PPP2R2C: variants seen among roughly 807,000 people sequenced by gnomAD.
PPP2R2C encodes the protein protein phosphatase 2, regulatory subunit B, gamma.
A neutral mutation model predicts 45.3 loss-of-function variants in PPP2R2C; 10 were observed. The ratio of observed to expected loss-of-function variants is 0.22; its 90% CI spans 0.14 to 0.37. PPP2R2C has a LOEUF of 0.37. Among genes scored for constraint, PPP2R2C ranks in the 10% least tolerant of loss-of-function variants. The pLI is 1.00. For missense variants in PPP2R2C, 308 were observed against 619.7 expected (o/e 0.50, Z 5.34); for synonymous variants, 257 against 245.4 (o/e 1.05, Z -0.44).
At chr4:6,415,544 G>T (rs557716259) in intron 1 of PPP2R2C, among the ~76,000 whole-genome samples, 1 of 152,306 alleles carries the variant, frequency 6.6e-6, no homozygotes, top group African/African-American at 2.4e-5. Context: ...CAGCTGTGAG[G>T]GGGGCACGGT....
chr4:6,534,174 C>G (rs557426639), intron 2 of PPP2R2C, among the ~76,000 whole-genome samples: 1 of 146,914 alleles, frequency 6.8e-6, no homozygotes, highest in Non-Finnish European at 1.5e-5. Context: ...ACACACACAT[C>G]AACACACACA....
intron 1 of PPP2R2C, among the ~76,000 whole-genome samples, chr4:6,423,539 A>G (rs10000024): frequency 0.02 from 3,022 of 152,356 alleles, 89 homozygotes; most frequent in African/African-American, 0.067. Flanking sequence ...AGAAACACAC[A>G]TGCACCCTGC....
intron 1 of PPP2R2C, among the ~76,000 whole-genome samples, chr4:6,451,810 CCTGT>C (rs1720751424): frequency 6.6e-6 from 1 of 152,084 alleles, no homozygotes; most frequent in African/African-American, 2.4e-5. Context: ...CACCCCTATT[CCTGT>C]CTAAGTTTGA....
intron 1 of PPP2R2C, among the ~76,000 whole-genome samples, chr4:6,435,417 G>T (rs943565760): frequency 2.0e-5 from 3 of 152,184 alleles, no homozygotes; most frequent in Admixed American, 6.5e-5. Context: ...TTGTTTAGAG[G>T]TGTGATTGCT....
At chr4:6,538,537 A>C (rs1724705646) in intron 1 of PPP2R2C, among the ~76,000 whole-genome samples, 1 of 140,880 alleles carries the variant, frequency 7.1e-6, no homozygotes, top group Non-Finnish European at 1.6e-5. Context: ...TATTTTCACT[A>C]GGCAAAGGAA....
chr4:6,344,889 G>A (rs756261200), intron 6 of PPP2R2C, among the ~76,000 whole-genome samples: 3 of 152,024 alleles, frequency 2.0e-5, no homozygotes, highest in South Asian at 2.1e-4. Flanking sequence ...CATCACTGTC[G>A]ACATCATTTT....
intron 5 of PPP2R2C, among the ~76,000 whole-genome samples, chr4:6,370,826 G>A (rs1253493959): frequency 2.6e-5 from 4 of 152,200 alleles, no homozygotes; most frequent in African/African-American, 7.2e-5. Context: ...GGTGGGGCCC[G>A]ATGTCCTTTC....
At chr4:6,430,942 A>C (rs1363112093) in intron 1 of PPP2R2C, among the ~76,000 whole-genome samples, 1 of 7,002 alleles carries the variant, frequency 1.4e-4, no homozygotes, top group Admixed American at 2.0e-3. Context: ...CAACAACAAC[A>C]ACAAAAAAAA....
Position 6,481,721 on chromosome 4 carries a change from G to A in PPP2R2C, c.49+53550C>T, listed in dbSNP as rs532354287. On this transcript the variant is annotated intron_variant, in intron 2 of 9. Coordinates refer to the PPP2R2C transcript ENST00000506140. The stretch of plus-strand genomic sequence containing the variant: ...GGGCCCGGCATGGTAACTCACGCCT[G>A]TAATCCCAACACTTTGGGAGGCTGA... 7.9e-5 allele frequency among the ~76,000 whole-genome samples: 12 copies of A among 152,146 alleles called. 1 individual carries two copies. The South Asian group carries it at 1.9e-3, about 24-fold the overall frequency.
At chr4:6,365,471 C>T (rs953435163) in intron 5 of PPP2R2C, among the ~76,000 whole-genome samples, 2 of 152,194 alleles carry the variant, frequency 1.3e-5, no homozygotes, top group African/African-American at 2.4e-5. Flanking sequence ...GCCATTCCAC[C>T]TTTACAGCTC....
intron 1 of PPP2R2C, among the ~76,000 whole-genome samples, chr4:6,387,433 C>G (rs1716289081): frequency 6.6e-6 from 1 of 152,144 alleles, no homozygotes; most frequent in African/African-American, 2.4e-5. Context: ...AATAATGGCA[C>G]CCAGAAGACT....
At chr4:6,444,673 C>T (rs563050803) in intron 1 of PPP2R2C, among the ~76,000 whole-genome samples, 6 of 152,344 alleles carry the variant, frequency 3.9e-5, no homozygotes, top group South Asian at 2.1e-4. Flanking sequence ...TTTAAGCCAA[C>T]GAAGCTGCAC....
intron 1 of PPP2R2C, among the ~76,000 whole-genome samples, chr4:6,409,120 T>C (rs1717992243): frequency 6.6e-6 from 1 of 152,136 alleles, no homozygotes; most frequent in East Asian, 1.9e-4. Flanking sequence ...CCCAGCATTG[T>C]GCAGCACCCA....
chr4:6,362,758 C>A (rs547929879), intron 5 of PPP2R2C, among the ~76,000 whole-genome samples: 2 of 152,206 alleles, frequency 1.3e-5, no homozygotes, highest in African/African-American at 4.8e-5. Context: ...CAGCACCAGG[C>A]AGGCTGCAAC....
At chr4:6,555,052 A>T (rs1345062430) in intron 1 of PPP2R2C, among the ~76,000 whole-genome samples, 2 of 152,196 alleles carry the variant, frequency 1.3e-5, no homozygotes, top group African/African-American at 4.8e-5. Flanking sequence ...GAAGTCCAAG[A>T]TCAAGATGCC....
chr4:6,403,530 T>C (rs980556758), intron 1 of PPP2R2C, among the ~76,000 whole-genome samples: 4 of 152,164 alleles, frequency 2.6e-5, no homozygotes, highest in African/African-American at 4.8e-5. Context: ...TGGCCTCCCC[T>C]GGGAGCACGC....
chr4:6,448,354 C>T (rs1430387144), intron 1 of PPP2R2C, among the ~76,000 whole-genome samples: 3 of 152,162 alleles, frequency 2.0e-5, no homozygotes, highest in South Asian at 2.1e-4. Flanking sequence ...GGAGGTCACA[C>T]GGAGAGGGGT....
chr4:6,426,216 T>C (rs979393039), intron 1 of PPP2R2C, among the ~76,000 whole-genome samples: 1 of 152,202 alleles, frequency 6.6e-6, no homozygotes. Flanking sequence ...ACAGCCTGCC[T>C]CCATCCTCGT....
At chr4:6,511,885 GTGGTGGTGA>G (rs1723572746) in intron 2 of PPP2R2C, among the ~76,000 whole-genome samples, 2 of 48,054 alleles carry the variant, frequency 4.2e-5, no homozygotes, top group Admixed American at 4.0e-4. Context: ...GGTGGTGGTG[GTGGTGGTGA>G]TGGTGGTGGT....
Sources: gnomAD v4.1 joint callset for allele counts (sites outside exome capture counted in the v4.1 genomes callset) on GRCh38, gnomAD v4.1.1 for gene constraint, MANE v1.5 for transcripts, NCBI Gene and HGNC (gene_info 2026-07-23, HGNC 2026-07-21) for gene names.